MTMR11: variants seen among roughly 807,000 people sequenced by gnomAD.
MTMR11 encodes myotubularin related protein 11.
A neutral mutation model predicts 100.0 loss-of-function variants in MTMR11; 89 were observed. The ratio of observed to expected loss-of-function variants is 0.89; its 90% CI spans 0.75 to 1.06. MTMR11 has a LOEUF of 1.06. Among genes scored for constraint, MTMR11 ranks in the 50% least tolerant of loss-of-function variants. MTMR11 has a pLI of 0.00. For missense variants in MTMR11, 809 were observed against 873.7 expected, an observed-to-expected ratio of 0.93 and a Z score of 0.93; for synonymous variants, 336 against 326.3, an observed-to-expected ratio of 1.03 and a Z score of -0.32.
intron 14 of MTMR11, 52 bp from the exon 15 acceptor site, chr1:149,930,599 T>C (rs1553767325): frequency 1.3e-6 from 2 of 1,494,506 alleles, no homozygotes; most frequent in Middle Eastern, 2.3e-4. Flanking sequence ...CTCCCACATC[T>C]AGAGACAAAT....
Position 149,933,870 on chromosome 1 carries a change from A to C in MTMR11, c.756T>G (p.His252Gln). The change falls in exon 8 of 17, where the codon CAT (histidine) becomes CAG (glutamine). Residue 252 changes from histidine to glutamine, a missense_variant. Coordinates refer to ENST00000439741, the MANE Select transcript of MTMR11 (RefSeq NM_001145862.2). Reference sequence around the variant, plus strand: ...TCACACTGACCGGTCCACGGCCCTGATGAAAGTGGCCAAATGCTCTCCTGA... The same window carrying C: ...TCACACTGACCGGTCCACGGCCCTGCTGAAAGTGGCCAAATGCTCTCCTGA... ...SEVRRAFGHF[H>Q]QGRGPRLSWH... The C allele has an allele frequency of 2.5e-6, 4 of 1,614,122 alleles. 1 individual carries two copies. In the South Asian group the frequency reaches 4.4e-5, roughly 18 times the overall value.
At position 149,930,484 on chromosome 1, in the gene MTMR11, T is replaced by TA; in HGVS notation, c.1527dup (p.Asn510Ter). 6.2e-7 allele frequency: 1 copy of TA among 1,614,054 alleles called. No individual in the cohort carries two copies. Among genetic ancestry groups the TA allele is most frequent in the Non-Finnish European group, 8.5e-7 (1 of 1,179,970 alleles). ...CAGTCCCAGACAGACAGCTGCAGGT[T>TA]AAAAGAGTTCCCAGCTGGAGGCTGG... On this transcript the variant is annotated frameshift_variant, in exon 15 of 17. Transcript: ENST00000439741. LOFTEE classifies it high-confidence loss of function.
chr1:149,931,713 A>G (rs1559805492), intron 12 of MTMR11: 2 of 583,478 alleles, frequency 3.4e-6, no homozygotes, highest in Non-Finnish European at 6.1e-6. Context: ...CCCAGTCTCC[A>G]TCCGCTGATG....
rs1485253291 is a variant in MTMR11 at position 149,934,330 on chromosome 1, G to A, written c.548-4C>T. On this transcript the variant is annotated splice_polypyrimidine_tract_variant and splice_region_variant and intron_variant, in intron 6 of 16. Transcript: ENST00000439741. ...TTTCTGGAGCCAGAACCCTGGCCTAGAACAGGAGTGAGACATAGAGGAGGA... is the reference window on the plus strand; with the variant it reads ...TTTCTGGAGCCAGAACCCTGGCCTAAAACAGGAGTGAGACATAGAGGAGGA... 1 of 1,614,096 alleles carries A rather than the reference G, an allele frequency of 6.2e-7. No homozygotes were observed. Among genetic ancestry groups the A allele is most frequent in the African/African-American group, 1.3e-5 (1 of 74,920 alleles).
rs782801474 is a variant in MTMR11, at chr1:149,929,284, GGAGGCCAGAGATTGTGGGAGCTGA to G, written c.1951_1974del (p.Ser651_Leu658del). 1.4e-5 allele frequency: 23 copies of G among 1,613,982 alleles called. No homozygotes were observed. Among genetic ancestry groups the G allele is most frequent in the Admixed American group, 1.3e-4 (8 of 59,992 alleles). On this transcript the variant is annotated inframe_deletion, in exon 17 of 17. Coordinates refer to ENST00000439741, the MANE Select transcript of MTMR11 (RefSeq NM_001145862.2). Reference sequence around the variant, plus strand: ...TCCTGAAGATGGGATAGCTCATCCTGGAGGCCAGAGATTGTGGGAGCTGAGAGGCCCATCTGGGGAGGAGGCAAA... The same window carrying G: ...TCCTGAAGATGGGATAGCTCATCCTGGAGGCCCATCTGGGGAGGAGGCAAA...
Position 149,933,401 on chromosome 1 carries a change from C to G in MTMR11, c.985+5G>C. The G allele has an allele frequency of 6.2e-7, 1 of 1,614,088 alleles. No homozygotes were observed. The highest frequency in any genetic ancestry group is 8.5e-7 in the Non-Finnish European group (1 of 1,179,994). On this transcript the variant is annotated splice_donor_5th_base_variant and intron_variant, in intron 10 of 16. Coordinates refer to ENST00000439741, the MANE Select transcript of MTMR11 (RefSeq NM_001145862.2). ...TGAGGGTTAGGGGTCAAAGGTTATT[C>G]TCACCAGGCAGGCAGAGGGCCCTCA...
Position 149,935,285 on chromosome 1 carries a change from C to G in MTMR11, c.325+14G>C, listed in dbSNP as rs782793685. 5.0e-6 allele frequency: 8 copies of G among 1,612,804 alleles called. No homozygotes were observed. Among genetic ancestry groups the G allele is most frequent in the East Asian group, 2.2e-5 (1 of 44,854 alleles). ...CCCCAGTGAACCCCTTCACCAAACC[C>G]CCCCCCAACTTACCAGCCTCTAATC... On this transcript the variant is annotated intron_variant, in intron 4 of 16. Transcript: ENST00000439741.
chr1:149,930,664 G>C, intron 14 of MTMR11, 117 bp from the exon 15 acceptor site: 1 of 1,366,190 alleles, frequency 7.3e-7, no homozygotes, highest in African/African-American at 1.5e-5. Flanking sequence ...GTCTCGTCCT[G>C]AAAATGAGAA....
chr1:149,936,261 G>T, intron 1 of MTMR11, 32 bp from the exon 2 acceptor site: 3 of 1,613,248 alleles, frequency 1.9e-6, no homozygotes, highest in Non-Finnish European at 2.5e-6. Context: ...GGGGTCTAGA[G>T]TTAACCCCTA....
chr1:149,929,490 T>TG, intron 16 of MTMR11, 133 bp downstream of exon 16: 1 of 1,274,738 alleles, frequency 7.8e-7, no homozygotes, highest in Non-Finnish European at 1.1e-6. Flanking sequence ...AAACCTTGTT[T>TG]GATGCCAAGA....
chr1:149,931,093 T>C, intron 13 of MTMR11, 128 bp from the exon 14 acceptor site: 8 of 1,345,644 alleles, frequency 5.9e-6, no homozygotes, highest in Non-Finnish European at 8.0e-6. Context: ...AAAATCTGAA[T>C]TGAGGGTAGC....
In MTMR11 at chr1:149,929,838, A is replaced by T. The variant is rs1553767041; in HGVS notation, c.1726T>A (p.Cys576Ser). 1.2e-6 allele frequency: 2 copies of T among 1,614,226 alleles called. No individual in the cohort carries two copies. The highest frequency in any genetic ancestry group is 3.3e-5 in the Admixed American group (2 of 60,030). ...AGGGAAGGACTGTCCCGCCAAGGAC[A>T]GAGCTGATTCAGGGGGGTCAATGCT... ...RGALTPLNQL[C>S]PWRDSPSLLA... Residue 576 changes from cysteine to serine, a missense_variant, in exon 16 of 17, where the codon TGT (cysteine) becomes AGT (serine). Coordinates refer to ENST00000439741, the MANE Select transcript of MTMR11 (RefSeq NM_001145862.2).
chr1:149,930,131 C>A, intron 15 of MTMR11: 3 of 677,434 alleles, frequency 4.4e-6, no homozygotes, highest in South Asian at 2.0e-5. Context: ...TATGTGTGCA[C>A]GAGACAGGAA....
In MTMR11 at chr1:149,935,294, C is replaced by T. The variant is rs782100170; in HGVS notation, c.325+5G>A. The stretch of plus-strand genomic sequence containing the variant: ...ACCCCTTCACCAAACCCCCCCCCAA[C>T]TTACCAGCCTCTAATCGTCCAATGT... On this transcript the variant is annotated splice_donor_5th_base_variant and intron_variant, in intron 4 of 16. Coordinates refer to ENST00000439741, the MANE Select transcript of MTMR11 (RefSeq NM_001145862.2). 1 of 1,612,878 alleles carries T rather than the reference C, an allele frequency of 6.2e-7. No homozygotes were observed. The highest frequency in any genetic ancestry group is 1.1e-5 in the South Asian group (1 of 90,924).
chr1:149,931,649 G>C, intron 12 of MTMR11: 1 of 583,138 alleles, frequency 1.7e-6, no homozygotes, highest in Non-Finnish European at 3.0e-6. Flanking sequence ...TCACATGTAA[G>C]GGGCAGAATC....
intron 2 of MTMR11, 43 bp from the exon 3 acceptor site, chr1:149,935,748 G>A (rs782366949): frequency 2.0e-6 from 3 of 1,537,504 alleles, no homozygotes; most frequent in South Asian, 2.4e-5. Flanking sequence ...TGTTCCCAGT[G>A]TTGCCCACAC....
rs587734686 is a variant in MTMR11 at position 149,935,241 on chromosome 1, G to T, written c.325+58C>A. ...TGTTTTCTGAGAACAGAGGAAGGATGAGGAGGGAGTTCCAACAACCCCAGT... is the reference window on the plus strand; with the variant it reads ...TGTTTTCTGAGAACAGAGGAAGGATTAGGAGGGAGTTCCAACAACCCCAGT... On this transcript the variant is annotated intron_variant, in intron 4 of 16. Coordinates refer to ENST00000439741, the MANE Select transcript of MTMR11 (RefSeq NM_001145862.2). The T allele has an allele frequency of 6.2e-6, 10 of 1,606,734 alleles. No individual in the cohort carries two copies. In the South Asian group the frequency reaches 1.1e-4, roughly 18 times the overall value.
Position 149,936,633 on chromosome 1 carries a change from G to T in MTMR11, c.15C>A (p.Gly5=). The T allele has an allele frequency of 6.5e-7, 1 of 1,541,860 alleles. No homozygotes were observed. Residue 5 remains glycine, a synonymous_variant, in exon 1 of 17, where the codon GGC becomes GGA. Coordinates refer to ENST00000439741, the MANE Select transcript of MTMR11 (RefSeq NM_001145862.2). ...GGGCAATGTTGAAACTCTGGCCCCG[G>T]CCCCCCCACCACATTTCTCTGGCTC... MWWG[G]RGQSFNIAPQ...
Position 149,933,403 on chromosome 1 carries a change from C to T in MTMR11, c.985+3G>A. 6.2e-7 allele frequency: 1 copy of T among 1,614,086 alleles called. No individual in the cohort carries two copies. On this transcript the variant is annotated splice_donor_region_variant and intron_variant, in intron 10 of 16. Coordinates refer to ENST00000439741, the MANE Select transcript of MTMR11 (RefSeq NM_001145862.2). ...AGGGTTAGGGGTCAAAGGTTATTCT[C>T]ACCAGGCAGGCAGAGGGCCCTCAGC...
Sources: gnomAD v4.1 joint callset for allele counts on GRCh38, gnomAD v4.1.1 for gene constraint, MANE v1.5 for transcripts, NCBI Gene and HGNC (gene_info 2026-07-23, HGNC 2026-07-21) for gene names.